Variants in CHN1 observed in about 807,000 individuals in gnomAD.
CHN1 encodes chimerin 1.
In CHN1, 37 loss-of-function variants were observed where a neutral mutation model predicts 59.5. That is an observed-to-expected ratio of 0.62 (90% CI 0.48 to 0.82). The LOEUF is 0.82. Ranked by LOEUF, CHN1 falls within the 40% of genes least tolerant of loss-of-function variation. The pLI is 0.00. For synonymous variants in CHN1, 206 were observed against 200.4 expected (o/e 1.03, Z -0.24); for missense variants, 469 against 571.0 (o/e 0.82, Z 1.82).
chr2:174,885,867 C>G (rs1428159974), intron 5 of CHN1, among the ~76,000 whole-genome samples: 2 of 152,138 alleles, frequency 1.3e-5, no homozygotes, highest in Non-Finnish European at 2.9e-5. Flanking sequence ...ATACTGTGTC[C>G]CACTACTACA....
intron 7 of CHN1, among the ~76,000 whole-genome samples, chr2:174,842,923 C>T (rs1195249010): frequency 6.6e-6 from 1 of 152,210 alleles, no homozygotes; most frequent in Non-Finnish European, 1.5e-5. Flanking sequence ...CATTTACATG[C>T]AGACTGCAAG....
intron 3 of CHN1, among the ~76,000 whole-genome samples, chr2:174,936,335 A>G (rs762495890): frequency 1.1e-3 from 174 of 152,338 alleles, no homozygotes; most frequent in Non-Finnish European, 1.1e-3. Flanking sequence ...CATGTTTAAT[A>G]ATGGTCCAGT....
intron 7 of CHN1, 66 bp from the exon 8 acceptor site, chr2:174,824,584 A>G (rs2105402009): frequency 2.3e-6 from 2 of 888,640 alleles, no homozygotes; most frequent in Non-Finnish European, 3.5e-6. Flanking sequence ...ACTGCTTCAT[A>G]TCAAAGCACT....
At chr2:174,986,351 A>G (rs1285437693) in intron 1 of CHN1, among the ~76,000 whole-genome samples, 3 of 152,236 alleles carry the variant, frequency 2.0e-5, no homozygotes, top group South Asian at 2.1e-4. Flanking sequence ...AGAATTCTAA[A>G]ATATAGTGGA....
At chr2:174,804,976 A>C (rs1016085921) in intron 11 of CHN1, among the ~76,000 whole-genome samples, 1 of 152,246 alleles carries the variant, frequency 6.6e-6, no homozygotes, top group Non-Finnish European at 1.5e-5. Flanking sequence ...CTTTTCTTCC[A>C]CTTACAAAAG....
chr2:174,982,208 T>C (rs905276432), intron 1 of CHN1, among the ~76,000 whole-genome samples: 1 of 152,200 alleles, frequency 6.6e-6, no homozygotes, highest in African/African-American at 2.4e-5. Flanking sequence ...TGTTGGGCAT[T>C]TGGGTTGGTT....
At chr2:174,806,615 C>T (rs1354700467) in intron 11 of CHN1, among the ~76,000 whole-genome samples, 1 of 152,134 alleles carries the variant, frequency 6.6e-6, no homozygotes, top group Non-Finnish European at 1.5e-5. Context: ...GTGTGAATGC[C>T]ATTGCCGCCG....
At chr2:174,819,641 C>T (rs1224488300) in intron 8 of CHN1, among the ~76,000 whole-genome samples, 4 of 152,058 alleles carry the variant, frequency 2.6e-5, no homozygotes, top group African/African-American at 2.4e-5. Flanking sequence ...AAATGAACAA[C>T]GACCATCCTT....
chr2:174,822,892 T>G (rs1685548325), intron 8 of CHN1, among the ~76,000 whole-genome samples: 1 of 152,212 alleles, frequency 6.6e-6, no homozygotes, highest in Non-Finnish European at 1.5e-5. Context: ...TTTGCACAGC[T>G]CCAAGTCCAC....
At chr2:174,803,006 C>G (rs1684776259) in intron 11 of CHN1, among the ~76,000 whole-genome samples, 1 of 151,886 alleles carries the variant, frequency 6.6e-6, no homozygotes, top group Non-Finnish European at 1.5e-5. Context: ...TCACTGTGCT[C>G]TAAGCCTGGG....
chr2:174,942,504 G>A (rs1014979574), intron 3 of CHN1, among the ~76,000 whole-genome samples: 3 of 152,068 alleles, frequency 2.0e-5, no homozygotes, highest in Non-Finnish European at 2.9e-5. Context: ...TAGAGGCTGG[G>A]AGGGGTAGAG....
intron 5 of CHN1, among the ~76,000 whole-genome samples, chr2:174,911,418 C>T (rs1001728380): frequency 2.1e-4 from 32 of 152,166 alleles, no homozygotes; most frequent in Non-Finnish European, 4.4e-4. Context: ...GCCTGGCTAG[C>T]ATCTTCTTTT....
At chr2:174,856,350 A>G (rs1178436933) in intron 6 of CHN1, among the ~76,000 whole-genome samples, 3 of 152,160 alleles carry the variant, frequency 2.0e-5, no homozygotes, top group African/African-American at 7.2e-5. Context: ...ATCTAAACAG[A>G]TAACAATAAG....
At chr2:174,931,579 A>C (rs551714694) in intron 3 of CHN1, among the ~76,000 whole-genome samples, 1 of 152,372 alleles carries the variant, frequency 6.6e-6, no homozygotes, top group South Asian at 2.1e-4. Flanking sequence ...AAAACAGACC[A>C]AAATTGCTAC....
intron 1 of CHN1, among the ~76,000 whole-genome samples, chr2:174,970,056 ACACT>A (rs1306831276): frequency 1.3e-5 from 2 of 152,244 alleles, no homozygotes; most frequent in African/African-American, 4.8e-5. Flanking sequence ...TCACCAGTAC[ACACT>A]CACAGTAAAA....
At chr2:174,816,714 GTA>G (rs1406490875) in intron 8 of CHN1, among the ~76,000 whole-genome samples, 1 of 152,086 alleles carries the variant, frequency 6.6e-6, no homozygotes, top group Non-Finnish European at 1.5e-5. Context: ...GATAGTTGAT[GTA>G]TATGTTTTGT....
At chr2:174,957,073 C>T (rs1231790983) in intron 1 of CHN1, among the ~76,000 whole-genome samples, 1 of 152,132 alleles carries the variant, frequency 6.6e-6, no homozygotes, top group African/African-American at 2.4e-5. Flanking sequence ...TAACACTGAA[C>T]TCACAGCAAC....
intron 4 of CHN1, 41 bp downstream of exon 4, chr2:174,918,493 T>C (rs781493776): frequency 8.8e-6 from 13 of 1,485,528 alleles, no homozygotes; most frequent in Non-Finnish European, 1.2e-5. Context: ...CTGTCTTACA[T>C]ATGCCAATCT....
intron 5 of CHN1, among the ~76,000 whole-genome samples, chr2:174,897,586 G>C (rs1218771308): frequency 4.0e-5 from 6 of 151,400 alleles, no homozygotes; most frequent in African/African-American, 1.5e-4. Flanking sequence ...GCCTCCTGTA[G>C]TAGATCAAAA....
Sources: allele counts gnomAD v4.1 joint callset (sites outside exome capture counted in the v4.1 genomes callset), GRCh38; gene constraint gnomAD v4.1.1; transcripts MANE v1.5; gene names NCBI Gene and HGNC (gene_info 2026-07-23, HGNC 2026-07-21).